Variants in FSTL4 observed in about 807,000 individuals in gnomAD.
The protein encoded by FSTL4 is follistatin-related protein 4.
Under a neutral mutation model 78.2 loss-of-function variants are expected in FSTL4, and 28 were observed. The ratio of observed to expected loss-of-function variants is 0.36; its 90% confidence interval spans 0.27 to 0.49. FSTL4 has a LOEUF of 0.49. Ranked by LOEUF, FSTL4 falls within the 20% of genes least tolerant of loss-of-function variation. FSTL4 has a pLI of 0.98. For synonymous variants in FSTL4, 422 were observed against 440.5 expected (o/e 0.96, Z 0.53); for missense variants, 922 against 1,084.9 (o/e 0.85, Z 2.11).
chr5:133,748,515 A>G, the FSTL4 span, among the ~76,000 whole-genome samples: 2 of 151,626 alleles, frequency 1.3e-5, no homozygotes, highest in Non-Finnish European at 2.9e-5. Flanking sequence ...AGGTTGCAGT[A>G]AGCCGAGATG....
chr5:133,396,839 TAGTG>T lies in FSTL4; in HGVS notation c.409+3895_409+3898del, dbSNP rs763095410. 9.2e-5 allele frequency among the ~76,000 whole-genome samples: 14 copies of T among 152,322 alleles called. No homozygotes were observed. In the East Asian group the frequency reaches 9.6e-4, roughly 10 times the overall value. ...TAACAAGTAAGAAAAAAAGATTTCTTAGTGAGCCTGTAGTATGTTTAATTTGTTT... is the reference window on the plus strand; with the variant it reads ...TAACAAGTAAGAAAAAAAGATTTCTTAGCCTGTAGTATGTTTAATTTGTTT... On this transcript the variant is annotated intron_variant, in intron 4 of 15. Transcript: ENST00000265342.
intron 3 of FSTL4, among the ~76,000 whole-genome samples, chr5:133,550,018 C>G (rs1270611139): frequency 6.6e-6 from 1 of 152,152 alleles, no homozygotes; most frequent in East Asian, 1.9e-4. Flanking sequence ...TGACTCCTGT[C>G]CCCATATCTC....
chr5:133,793,020 T>A, the FSTL4 span, among the ~76,000 whole-genome samples: 1 of 152,206 alleles, frequency 6.6e-6, no homozygotes, highest in African/African-American at 2.4e-5. Flanking sequence ...GCAGGTTTTT[T>A]AATTCCTTGG....
At chr5:133,804,151 C>A in the FSTL4 span, among the ~76,000 whole-genome samples, 1 of 152,206 alleles carries the variant, frequency 6.6e-6, no homozygotes, top group African/African-American at 2.4e-5. Flanking sequence ...CCTTTCTGCT[C>A]AAAATGCCTG....
At chr5:133,700,610 C>T in the FSTL4 span, among the ~76,000 whole-genome samples, 3 of 152,222 alleles carry the variant, frequency 2.0e-5, no homozygotes, top group Non-Finnish European at 4.4e-5. Flanking sequence ...TGGAGTGCAG[C>T]CCCAGGAATG....
At chr5:133,678,919 G>C in the FSTL4 span, among the ~76,000 whole-genome samples, 1 of 152,144 alleles carries the variant, frequency 6.6e-6, no homozygotes, top group Non-Finnish European at 1.5e-5. Flanking sequence ...GATACGGACA[G>C]AGAATCCTTC....
At chr5:133,752,563 T>C in the FSTL4 span, among the ~76,000 whole-genome samples, 2 of 151,970 alleles carry the variant, frequency 1.3e-5, no homozygotes, top group African/African-American at 4.8e-5. Flanking sequence ...TGATCTAAGA[T>C]TGCGCCACTG....
chr5:133,482,090 T>C (rs746738377), intron 3 of FSTL4, among the ~76,000 whole-genome samples: 11 of 152,204 alleles, frequency 7.2e-5, no homozygotes, highest in Admixed American at 7.2e-4. Context: ...TAACAGCTAA[T>C]GCAAACTGAT....
At chr5:133,712,123 G>A in the FSTL4 span, among the ~76,000 whole-genome samples, 1 of 152,140 alleles carries the variant, frequency 6.6e-6, no homozygotes, top group Non-Finnish European at 1.5e-5. Context: ...TTCGGAGCAG[G>A]CAGTTAAAGT....
chr5:133,233,918 G>A lies in FSTL4; in HGVS notation c.895-381C>T, dbSNP rs73275909. Among the ~76,000 whole-genome samples, 633 of 152,242 alleles carry A rather than the reference G, an allele frequency of 4.2e-3. 7 individuals carry two copies. The highest frequency in any genetic ancestry group is 0.015 in the African/African-American group (603 of 41,538). On this transcript the variant is annotated intron_variant, in intron 7 of 15. Transcript: ENST00000265342. ...TCACCTGATGAGCAGCTCTGTTTCC[G>A]GAGGCCAGGCCTTGTTTAGAGCGGG...
In FSTL4 at chr5:133,299,727, G is replaced by A. The variant is rs539954663; in HGVS notation, c.727+12927C>T. ...CTCCCTGAAAGGCTGCCCCATCACC[G>A]CTCCTCCTTGTGTCTGGGAAGGTGT... On this transcript the variant is annotated intron_variant, in intron 6 of 15. Transcript: ENST00000265342. Among the ~76,000 whole-genome samples, 25 of 152,262 alleles carry A rather than the reference G, an allele frequency of 1.6e-4. 1 individual carries two copies. Among genetic ancestry groups the A allele is most frequent in the Admixed American group, 8.5e-4 (13 of 15,302 alleles).
At chr5:133,224,695 G>GGAGC (rs1465388110) in intron 10 of FSTL4, among the ~76,000 whole-genome samples, 39 of 152,160 alleles carry the variant, frequency 2.6e-4, no homozygotes, top group Non-Finnish European at 4.0e-4. Flanking sequence ...GCCTACCTGG[G>GGAGC]GAGCAGTGGT....
the FSTL4 span, among the ~76,000 whole-genome samples, chr5:133,750,029 T>C: frequency 6.6e-6 from 1 of 151,946 alleles, no homozygotes; most frequent in Non-Finnish European, 1.5e-5. Context: ...TCCAGATCTG[T>C]AGGAATTCAC....
the FSTL4 span, among the ~76,000 whole-genome samples, chr5:133,745,130 G>C: frequency 6.6e-6 from 1 of 152,204 alleles, no homozygotes; most frequent in African/African-American, 2.4e-5. Context: ...TTTAAAAAGA[G>C]ACACTCACTG....
At chr5:133,324,130 T>C (rs1004738953) in intron 4 of FSTL4, among the ~76,000 whole-genome samples, 1 of 152,150 alleles carries the variant, frequency 6.6e-6, no homozygotes, top group Non-Finnish European at 1.5e-5. Flanking sequence ...AAGGGAGACA[T>C]TGTAAATATT....
chr5:133,295,046 C>T (rs1253148273), intron 6 of FSTL4, among the ~76,000 whole-genome samples: 1 of 152,090 alleles, frequency 6.6e-6, no homozygotes, highest in Non-Finnish European at 1.5e-5. Flanking sequence ...AAGTGGGTCC[C>T]GAAAGCTGCC....
intron 5 of FSTL4, among the ~76,000 whole-genome samples, chr5:133,313,238 C>A (rs1192257497): frequency 2.6e-5 from 4 of 152,204 alleles, no homozygotes; most frequent in Non-Finnish European, 5.9e-5. Flanking sequence ...CTGCATCATG[C>A]ACCCACCCAT....
intron 4 of FSTL4, among the ~76,000 whole-genome samples, chr5:133,380,212 A>G (rs1001894306): frequency 3.8e-4 from 58 of 152,190 alleles, no homozygotes; most frequent in Middle Eastern, 3.4e-3. Context: ...TGAAAAGAGA[A>G]TAGAAAAGCA....
intron 8 of FSTL4, 67 bp downstream of exon 8, chr5:133,233,350 A>G: frequency 1.3e-6 from 2 of 1,560,838 alleles, no homozygotes; most frequent in Non-Finnish European, 1.8e-6. Context: ...GGAGGGGGCG[A>G]GGGTTGATCT....
Sources: gnomAD v4.1 joint callset for allele counts (sites outside exome capture counted in the v4.1 genomes callset) on GRCh38, gnomAD v4.1.1 for gene constraint, MANE v1.5 for transcripts, NCBI Gene and HGNC (gene_info 2026-07-23, HGNC 2026-07-21) for gene names.